PHACTR2: variants seen among roughly 807,000 people sequenced by gnomAD.
PHACTR2 encodes chromosome 6 open reading frame 56.
Under a neutral mutation model 76.0 loss-of-function variants are expected in PHACTR2, and 30 were observed. That is an observed-to-expected ratio of 0.39 (90% CI 0.30 to 0.54). The LOEUF (loss-of-function observed/expected upper bound fraction) is 0.54, where lower values mean the gene tolerates loss of function less well. PHACTR2 is among the 20% of genes least tolerant of loss of function. The pLI, the probability that PHACTR2 is intolerant of heterozygous loss-of-function variation, is 0.61. For synonymous variants in PHACTR2, 292 were observed against 292.5 expected (o/e 1.00, Z 0.02); for missense variants, 696 against 781.1 (o/e 0.89, Z 1.30).
chr6:143,808,494 C>T (rs920107094), intron 12 of PHACTR2, among the ~76,000 whole-genome samples: 9 of 152,076 alleles, frequency 5.9e-5, no homozygotes, highest in South Asian at 2.1e-4. Context: ...GAGCATAAAA[C>T]GATACTGTAT....
upstream of PHACTR2, among the ~76,000 whole-genome samples, chr6:143,605,337 C>T (rs981314764): frequency 6.6e-6 from 1 of 152,136 alleles, no homozygotes; most frequent in Non-Finnish European, 1.5e-5. This position sits in a 1 kb window ranked among gnomAD's most constrained non-coding sequence, Gnocchi z 5.0. Flanking sequence ...TTAGGCTTAT[C>T]GATGCCTCTA....
Position 143,539,209 on chromosome 6 carries a change from C to T in PHACTR2, c.217+2002C>T, listed in dbSNP as rs752041845. Among the ~76,000 whole-genome samples the T allele has an allele frequency of 1.3e-5, 2 of 152,208 alleles. No individual in the cohort carries two copies. Among genetic ancestry groups the T allele is most frequent in the African/African-American group, 4.8e-5 (2 of 41,444 alleles). On this transcript the variant is annotated intron_variant, in intron 1 of 11. Transcript: ENST00000367584. This position sits in a 1 kb window ranked among gnomAD's most constrained non-coding sequence, Gnocchi z 4.3. ...TATAAAATTATTTTACTTCTGAGGA[C>T]TCTTTGTCTTTTCTGTGTCCTCTTA... is the stretch of plus-strand genomic sequence containing the variant.
chr6:143,594,422 G>T (rs13199861), intron 1 of PHACTR2, among the ~76,000 whole-genome samples: 32,062 of 152,196 alleles, frequency 0.21, 3,517 homozygotes, highest in South Asian at 0.33. Context: ...GCTTATGCCA[G>T]CACTCAGTGA....
chr6:143,633,362 G>C lies in PHACTR2; in HGVS notation c.13+25040G>C, dbSNP rs1204104253. Among the ~76,000 whole-genome samples, 1 of 152,174 alleles carries C rather than the reference G, an allele frequency of 6.6e-6. No homozygotes were observed. Among genetic ancestry groups the C allele is most frequent in the African/African-American group, 2.4e-5 (1 of 41,434 alleles). On this transcript the variant is annotated intron_variant, in intron 1 of 11. Coordinates refer to the PHACTR2 transcript ENST00000305766. This position sits in a 1 kb window ranked among gnomAD's most constrained non-coding sequence, Gnocchi z 4.1. Reference sequence around the variant, plus strand: ...TTGCAATTCCCTATCGGCATATGATGCTGAACATCTTTTCATATGCTCACT... The same window carrying C: ...TTGCAATTCCCTATCGGCATATGATCCTGAACATCTTTTCATATGCTCACT...
chr6:143,702,385 G>C (rs1405460120), intron 1 of PHACTR2, among the ~76,000 whole-genome samples: 1 of 152,164 alleles, frequency 6.6e-6, no homozygotes, highest in African/African-American at 2.4e-5. Flanking sequence ...GGGATTACAG[G>C]CGTGAGCCAC....
chr6:143,714,246 T>C (rs963789664), intron 2 of PHACTR2, among the ~76,000 whole-genome samples: 2 of 152,214 alleles, frequency 1.3e-5, no homozygotes, highest in Non-Finnish European at 2.9e-5. Flanking sequence ...AGAAAGTTCA[T>C]TTCTTCCAAG....
rs544625583 is a variant in PHACTR2 at position 143,698,208 on chromosome 6, A to G, written c.47-13808A>G. Among the ~76,000 whole-genome samples, 3 of 152,290 alleles carry G rather than the reference A, an allele frequency of 2.0e-5. No homozygotes were observed. The highest frequency in any genetic ancestry group is 6.5e-5 in the Admixed American group (1 of 15,294). ...AGGCTTTCTGTGTGTGTTTTATCCA[A>G]ATCCTGCTGGAGCAACTCATTCTCT... is the stretch of plus-strand genomic sequence containing the variant. On this transcript the variant is annotated intron_variant, in intron 1 of 12. Coordinates refer to ENST00000440869, the MANE Select transcript of PHACTR2 (RefSeq NM_001100164.2). This position sits in a 1 kb window ranked among gnomAD's most constrained non-coding sequence, Gnocchi z 4.3.
At chr6:143,724,901 G>T (rs547132744) in intron 2 of PHACTR2, among the ~76,000 whole-genome samples, 1 of 152,338 alleles carries the variant, frequency 6.6e-6, no homozygotes, top group Non-Finnish European at 1.5e-5. Flanking sequence ...GACAGCTCCA[G>T]TGTGGACTCC....
In PHACTR2 at chr6:143,680,303, T is replaced by A. The variant is rs1462423059; in HGVS notation, c.46+2094T>A. Among the ~76,000 whole-genome samples the A allele has an allele frequency of 6.6e-6, 1 of 152,214 alleles. No individual in the cohort carries two copies. Among genetic ancestry groups the A allele is most frequent in the Non-Finnish European group, 1.5e-5 (1 of 68,024 alleles). ...TCTGGCTTTACAGATGGCGTGAAGA[T>A]CCTTGTTCTGTTTGATCTTAGCCAT... On this transcript the variant is annotated intron_variant, in intron 1 of 12. Transcript: ENST00000440869. The surrounding 1 kb of genome is among the most constrained non-coding windows in gnomAD (Gnocchi z 4.5).
intron 2 of PHACTR2, among the ~76,000 whole-genome samples, chr6:143,732,324 ATC>A (rs1205549968): frequency 6.6e-6 from 1 of 152,148 alleles, no homozygotes; most frequent in Non-Finnish European, 1.5e-5. Context: ...TCTACTTTCT[ATC>A]TCTGCGGGTT....
In PHACTR2 at chr6:143,753,555, T is replaced by C. The variant is rs1779231967; in HGVS notation, c.296-199T>C. Reference sequence around the variant, plus strand: ...GTTGTCTTGAAATGGCGCATAGATATTCCCTCCATAGCAGCTTTTCCCCAA... The same window carrying C: ...GTTGTCTTGAAATGGCGCATAGATACTCCCTCCATAGCAGCTTTTCCCCAA... On this transcript the variant is annotated intron_variant, in intron 3 of 12. Coordinates refer to ENST00000440869, the MANE Select transcript of PHACTR2 (RefSeq NM_001100164.2). The surrounding 1 kb of genome is among the most constrained non-coding windows in gnomAD (Gnocchi z 4.6). Among the ~76,000 whole-genome samples, 1 of 152,174 alleles carries C rather than the reference T, an allele frequency of 6.6e-6. No homozygotes were observed. The highest frequency in any genetic ancestry group is 2.1e-4 in the South Asian group (1 of 4,830).
In PHACTR2 at chr6:143,597,864, G is replaced by T. The variant is rs1249808493; in HGVS notation, c.217+60657G>T. Reference sequence around the variant, plus strand: ...CCTGAGAAATTCTCTTTCATTACCTGCTCAAAGCCCATTGCTGGTGCCCTT... The same window carrying T: ...CCTGAGAAATTCTCTTTCATTACCTTCTCAAAGCCCATTGCTGGTGCCCTT... On this transcript the variant is annotated intron_variant, in intron 1 of 11. Coordinates refer to the PHACTR2 transcript ENST00000367584. The surrounding 1 kb of genome is among the most constrained non-coding windows in gnomAD (Gnocchi z 5.7). Among the ~76,000 whole-genome samples, 1 of 152,012 alleles carries T rather than the reference G, an allele frequency of 6.6e-6. No homozygotes were observed. The highest frequency in any genetic ancestry group is 2.4e-5 in the African/African-American group (1 of 41,380).
At chr6:143,544,435 T>C (rs748022230) in intron 1 of PHACTR2, among the ~76,000 whole-genome samples, 4 of 152,180 alleles carry the variant, frequency 2.6e-5, no homozygotes, top group Non-Finnish European at 5.9e-5. Context: ...ATCTGTGTAA[T>C]CTTAGGACAG....
chr6:143,718,349 G>T (rs1424215119), intron 2 of PHACTR2, among the ~76,000 whole-genome samples: 1 of 152,218 alleles, frequency 6.6e-6, no homozygotes, highest in African/African-American at 2.4e-5. Context: ...CTGATGAGGA[G>T]ACTGGGGCTA....
rs1775945875 is a variant in PHACTR2 at position 143,801,161 on chromosome 6, C to A, written c.1846-5896C>A. Among the ~76,000 whole-genome samples, 1 of 152,112 alleles carries A rather than the reference C, an allele frequency of 6.6e-6. No individual in the cohort carries two copies. The highest frequency in any genetic ancestry group is 1.5e-5 in the Non-Finnish European group (1 of 68,016). Reference sequence around the variant, plus strand: ...TCCATTTCAACCTTCGTGAATCTGACAGTTATGTGTCTTGGGGTTGCTCTT... The same window carrying A: ...TCCATTTCAACCTTCGTGAATCTGAAAGTTATGTGTCTTGGGGTTGCTCTT... On this transcript the variant is annotated intron_variant, in intron 11 of 12. Coordinates refer to ENST00000440869, the MANE Select transcript of PHACTR2 (RefSeq NM_001100164.2). The surrounding 1 kb of genome is among the most constrained non-coding windows in gnomAD (Gnocchi z 4.6).
chr6:143,575,840 T>G (rs1775500044), intron 1 of PHACTR2, among the ~76,000 whole-genome samples: 1 of 152,178 alleles, frequency 6.6e-6, no homozygotes, highest in African/African-American at 2.4e-5. Flanking sequence ...CAATTGATTC[T>G]TAAGTACATT....
rs767453110 is a variant in PHACTR2 at position 143,774,080 on chromosome 6, G to A, written c.1454G>A (p.Arg485His). 28 of 1,613,456 alleles carry A rather than the reference G, an allele frequency of 1.7e-5. No individual in the cohort carries two copies. The highest frequency in any genetic ancestry group is 8.3e-5 in the Admixed American group (5 of 59,986). The change falls in exon 8 of 13, where the codon CGC becomes CAC. Residue 485 changes from arginine to histidine, a missense_variant. Physicochemically the swap from Arg to His is conservative, Grantham distance 29 (BLOSUM62 0). This residue lies in a region of PHACTR2 where 236 missense variants were observed against 330.2 expected (regional missense o/e 0.71). Transcript: ENST00000440869. This position sits in a 1 kb window ranked among gnomAD's most constrained non-coding sequence, Gnocchi z 5.4. The stretch of plus-strand genomic sequence containing the variant: ...TCAGGTGCTTTGGCAAGTAAAATAC[G>A]CCGGAGGGATACTCTTGCTATCAAA... ...SGESALASKI[R>H]RRDTLAIKLG...
intron 1 of PHACTR2, among the ~76,000 whole-genome samples, chr6:143,613,135 C>G (rs1272210415): frequency 6.6e-6 from 1 of 152,194 alleles, no homozygotes; most frequent in Non-Finnish European, 1.5e-5. Flanking sequence ...TGCCCCCATG[C>G]CCGGCTAATT....
At chr6:143,797,158 C>T (rs931601469) in intron 11 of PHACTR2, among the ~76,000 whole-genome samples, 2 of 152,160 alleles carry the variant, frequency 1.3e-5, no homozygotes, top group African/African-American at 4.8e-5. Context: ...CTCTCATGAC[C>T]AGTGATGATG....
Sources: gnomAD v4.1 joint callset for allele counts (sites outside exome capture counted in the v4.1 genomes callset) on GRCh38, gnomAD v4.1.1 for gene constraint, gnomAD v4.1.1 regional missense constraint, Gnocchi (gnomAD v3.1) non-coding constraint, MANE v1.5 for transcripts, NCBI Gene and HGNC (gene_info 2026-07-23, HGNC 2026-07-21) for gene names.